ADGRB3: variants seen among roughly 807,000 people sequenced by gnomAD.
ADGRB3 encodes brain-specific angiogenesis inhibitor 3.
ADGRB3 carries 37 observed loss-of-function variants against 193.4 expected under a neutral mutation model. The ratio of observed to expected loss-of-function variants is 0.19; its 90% CI spans 0.15 to 0.25. The LOEUF (loss-of-function observed/expected upper bound fraction) is 0.25. Ranked by LOEUF, ADGRB3 falls within the 10% of genes least tolerant of loss-of-function variation. The pLI is 1.00. For synonymous variants in ADGRB3, 690 were observed against 644.2 expected, an observed-to-expected ratio of 1.07 and a Z score of -1.08; for missense variants, 1,637 against 1,852.9, an observed-to-expected ratio of 0.88 and a Z score of 2.14.
chr6:69,032,362 G>A (rs1770738748), intron 13 of ADGRB3, among the ~76,000 whole-genome samples: 3 of 152,130 alleles, frequency 2.0e-5, no homozygotes, highest in African/African-American at 7.2e-5. Flanking sequence ...GCAATGATTT[G>A]AAATTAGTAA....
chr6:68,762,179 C>A lies in ADGRB3; in HGVS notation c.757+122747C>A, dbSNP rs1766404871. Reference sequence around the variant, plus strand: ...CATCTTTTTCCACTCTTTTCTCCACCATCTCATCTTCTGTCTTGTTCAATC... The same window carrying A: ...CATCTTTTTCCACTCTTTTCTCCACAATCTCATCTTCTGTCTTGTTCAATC... On this transcript the variant is annotated intron_variant, in intron 3 of 31. Coordinates refer to ENST00000370598, the MANE Select transcript of ADGRB3 (RefSeq NM_001704.3). Among the ~76,000 whole-genome samples, 3 of 151,878 alleles carry A rather than the reference C, an allele frequency of 2.0e-5. No homozygotes were observed. The South Asian group carries it at 6.2e-4, about 31-fold the overall frequency.
At chr6:68,898,008 A>G (rs939143702) in intron 3 of ADGRB3, among the ~76,000 whole-genome samples, 2 of 147,670 alleles carry the variant, frequency 1.4e-5, no homozygotes, top group African/African-American at 2.5e-5. Context: ...ATAAAAATGT[A>G]TATATATAGA....
chr6:68,643,930 A>C (rs1768143337), intron 3 of ADGRB3, among the ~76,000 whole-genome samples: 1 of 150,304 alleles, frequency 6.7e-6, no homozygotes, highest in Non-Finnish European at 1.5e-5. Flanking sequence ...AGACTCTATC[A>C]GAAAAAAAAA....
chr6:69,071,117 T>C (rs1489185248), intron 16 of ADGRB3, among the ~76,000 whole-genome samples: 1 of 152,184 alleles, frequency 6.6e-6, no homozygotes, highest in Non-Finnish European at 1.5e-5. Context: ...AATAGATGTT[T>C]AGTAAATGAA....
At chr6:68,945,585 G>T (rs1034186994) in intron 6 of ADGRB3, among the ~76,000 whole-genome samples, 2 of 152,018 alleles carry the variant, frequency 1.3e-5, no homozygotes, top group Non-Finnish European at 2.9e-5. Context: ...GAAGTGCAAA[G>T]AAATAGACAA....
intron 3 of ADGRB3, among the ~76,000 whole-genome samples, chr6:68,724,468 C>A (rs917789207): frequency 6.6e-6 from 1 of 151,518 alleles, no homozygotes; most frequent in African/African-American, 2.4e-5. Context: ...ATGGTGAAAA[C>A]AAACATTTCT....
At chr6:69,307,373 G>T (rs117234561) in intron 20 of ADGRB3, among the ~76,000 whole-genome samples, 1 of 151,494 alleles carries the variant, frequency 6.6e-6, no homozygotes, top group East Asian at 1.9e-4. Context: ...CTATGTTTAC[G>T]TGTTCCACAT....
intron 3 of ADGRB3, among the ~76,000 whole-genome samples, chr6:68,853,269 A>G (rs1768441867): frequency 6.6e-6 from 1 of 152,026 alleles, no homozygotes; most frequent in Admixed American, 6.6e-5. Context: ...ATAAAGAAAA[A>G]TGCATTCAGA....
At chr6:69,187,064 A>G (rs1325130634) in intron 17 of ADGRB3, among the ~76,000 whole-genome samples, 1 of 151,030 alleles carries the variant, frequency 6.6e-6, no homozygotes. Context: ...TTTCTTTCTG[A>G]TTTCCCCTCT....
At chr6:69,296,559 A>G (rs1767821677) in intron 20 of ADGRB3, among the ~76,000 whole-genome samples, 1 of 152,146 alleles carries the variant, frequency 6.6e-6, no homozygotes, top group Non-Finnish European at 1.5e-5. Context: ...CCAACACAGG[A>G]GGCAAAGAAA....
At chr6:69,291,094 A>G (rs1767655481) in intron 20 of ADGRB3, among the ~76,000 whole-genome samples, 1 of 152,192 alleles carries the variant, frequency 6.6e-6, no homozygotes, top group Admixed American at 6.5e-5. Context: ...AAGCTTTGTC[A>G]TCCTTTTCCT....
At chr6:69,262,969 G>A (rs2127274518) in intron 20 of ADGRB3, among the ~76,000 whole-genome samples, 1 of 152,028 alleles carries the variant, frequency 6.6e-6, no homozygotes. Flanking sequence ...AAAAATAGAT[G>A]TTGCATTTCC....
At position 69,389,109 on chromosome 6, in the gene ADGRB3, C is replaced by A. The variant is rs1770139110; in HGVS notation, c.*218C>A. The A allele has an allele frequency of 5.1e-6, 2 of 391,540 alleles. No homozygotes were observed. Among genetic ancestry groups the A allele is most frequent in the African/African-American group, 4.1e-5 (2 of 49,208 alleles). 24.3% of individuals were successfully genotyped at this position (391,540 alleles called of 1,614,324 possible). Reference sequence around the variant, plus strand: ...CTGACCATCCTGTGTTGTAAGTACCCGTGGAATGGATTTGTAAGGTAATCT... The same window carrying A: ...CTGACCATCCTGTGTTGTAAGTACCAGTGGAATGGATTTGTAAGGTAATCT... On this transcript the variant is annotated 3_prime_UTR_variant, in exon 32 of 32. Transcript: ENST00000370598.
chr6:69,038,070 A>C (rs35065230), intron 13 of ADGRB3, among the ~76,000 whole-genome samples: 16,068 of 152,194 alleles, frequency 0.11, 1,047 homozygotes, highest in Middle Eastern at 0.18. Flanking sequence ...GGGGCTCAAT[A>C]GAGGTTTGTT....
chr6:68,799,474 T>C (rs1273629537), intron 3 of ADGRB3, among the ~76,000 whole-genome samples: 1 of 152,242 alleles, frequency 6.6e-6, no homozygotes, highest in Non-Finnish European at 1.5e-5. Flanking sequence ...AAGTACTGTG[T>C]ATACAAAACA....
At chr6:69,388,018 CAAGAGGGA>C (rs1484385997) in intron 31 of ADGRB3, among the ~76,000 whole-genome samples, 8 of 152,026 alleles carry the variant, frequency 5.3e-5, no homozygotes, top group African/African-American at 1.9e-4. Context: ...CAGTGATTTT[CAAGAGGGA>C]AATATCTTTC....
At chr6:69,027,020 AT>A (rs1164417423) in intron 13 of ADGRB3, among the ~76,000 whole-genome samples, 1 of 152,178 alleles carries the variant, frequency 6.6e-6, no homozygotes, top group Non-Finnish European at 1.5e-5. Flanking sequence ...TATTAAAAAA[AT>A]ATTTTTCTCC....
At chr6:69,279,298 C>G (rs987004776) in intron 20 of ADGRB3, among the ~76,000 whole-genome samples, 1 of 151,792 alleles carries the variant, frequency 6.6e-6, no homozygotes, top group Non-Finnish European at 1.5e-5. Flanking sequence ...CATCTGGCAA[C>G]ACAGTGCACT....
intron 17 of ADGRB3, among the ~76,000 whole-genome samples, chr6:69,195,522 C>CAAAAAA (rs542731165): frequency 3.1e-5 from 2 of 65,128 alleles, no homozygotes; most frequent in South Asian, 5.4e-4. Flanking sequence ...TATCCTGTCT[C>CAAAAAA]AAAAAAAAAA....
Sources: gnomAD v4.1 joint callset for allele counts (sites outside exome capture counted in the v4.1 genomes callset) on GRCh38, gnomAD v4.1.1 for gene constraint, MANE v1.5 for transcripts, NCBI Gene and HGNC (gene_info 2026-07-23, HGNC 2026-07-21) for gene names.